Variants in HIVEP3 observed in about 807,000 individuals in gnomAD.
HIVEP3 encodes the protein HIVEP zinc finger 3.
HIVEP3 carries 49 observed loss-of-function variants against 152.8 expected under a neutral mutation model. That is an observed-to-expected ratio of 0.32 (90% CI 0.26 to 0.41). The LOEUF (loss-of-function observed/expected upper bound fraction) is 0.41. Ranked by LOEUF, HIVEP3 falls within the 10% of genes least tolerant of loss-of-function variation. The pLI is 1.00. For missense variants in HIVEP3, 2,790 were observed against 3,103.3 expected (o/e 0.90, Z 2.40); for synonymous variants, 1,269 against 1,289.0 (o/e 0.98, Z 0.33).
At chr1:42,034,484 A>G (rs962420057) in intron 1 of HIVEP3, among the ~76,000 whole-genome samples, 1 of 152,232 alleles carries the variant, frequency 6.6e-6, no homozygotes, top group Non-Finnish European at 1.5e-5. Flanking sequence ...AAGATTCAAC[A>G]CTACAACGGC....
intron 5 of HIVEP3, among the ~76,000 whole-genome samples, chr1:41,539,481 C>G (rs1443691341): frequency 1.3e-5 from 2 of 152,256 alleles, no homozygotes; most frequent in Non-Finnish European, 2.9e-5. Flanking sequence ...AGCACAGAAG[C>G]CCTCAGGTGG....
At chr1:41,980,244 A>T (rs1186312959) in intron 1 of HIVEP3, among the ~76,000 whole-genome samples, 1 of 152,240 alleles carries the variant, frequency 6.6e-6, no homozygotes, top group Non-Finnish European at 1.5e-5. Context: ...GTCCACGTAA[A>T]GACTTGTAAT....
At chr1:41,897,710 G>A (rs809173) in intron 1 of HIVEP3, among the ~76,000 whole-genome samples, 106,571 of 151,970 alleles carry the variant, frequency 0.7, 38,287 homozygotes, top group African/African-American at 0.87. Context: ...TCGTGCTACA[G>A]TTGGACAGAG....
At chr1:41,722,554 C>CTCCTTCCCT (rs1646693994) in intron 1 of HIVEP3, among the ~76,000 whole-genome samples, 1 of 147,734 alleles carries the variant, frequency 6.8e-6, no homozygotes, top group African/African-American at 2.5e-5. Context: ...CCCTCCTTCC[C>CTCCTTCCCT]TCCTTCCCTT....
At chr1:41,699,834 C>T (rs560402909) in intron 2 of HIVEP3, among the ~76,000 whole-genome samples, 1 of 151,940 alleles carries the variant, frequency 6.6e-6, no homozygotes, top group South Asian at 2.1e-4. Context: ...CCGGTAGGGG[C>T]CTCTCTCAGA....
chr1:42,013,501 G>A (rs936791902), intron 1 of HIVEP3, among the ~76,000 whole-genome samples: 1 of 152,258 alleles, frequency 6.6e-6, no homozygotes, highest in Middle Eastern at 3.4e-3. Flanking sequence ...ATCTCAACAG[G>A]AGCCCTACCT....
intron 1 of HIVEP3, among the ~76,000 whole-genome samples, chr1:41,927,757 T>C (rs749173365): frequency 6.6e-6 from 1 of 152,066 alleles, no homozygotes; most frequent in Non-Finnish European, 1.5e-5. Flanking sequence ...GATAAAAGAA[T>C]TATCTTTTAA....
chr1:41,680,475 C>G (rs996699669), intron 2 of HIVEP3, among the ~76,000 whole-genome samples: 1 of 152,188 alleles, frequency 6.6e-6, no homozygotes, highest in Admixed American at 6.5e-5. Flanking sequence ...GGGGATCAGC[C>G]TATAGTTCCA....
intron 1 of HIVEP3, among the ~76,000 whole-genome samples, chr1:41,751,119 C>A (rs1647155552): frequency 6.6e-6 from 1 of 152,094 alleles, no homozygotes; most frequent in Non-Finnish European, 1.5e-5. Flanking sequence ...CCGGCCAAGT[C>A]CCTGGTTTCT....
At chr1:41,607,040 T>C (rs879548143) in intron 3 of HIVEP3, among the ~76,000 whole-genome samples, 2 of 152,070 alleles carry the variant, frequency 1.3e-5, no homozygotes, top group Non-Finnish European at 2.9e-5. Context: ...CTCAGTGTGG[T>C]CTTGAACTCC....
At chr1:41,519,372 C>T (rs1222041143) in intron 6 of HIVEP3, among the ~76,000 whole-genome samples, 1 of 152,224 alleles carries the variant, frequency 6.6e-6, no homozygotes, top group Non-Finnish European at 1.5e-5. Flanking sequence ...AGTTCCCCAA[C>T]AGGTGCACAA....
chr1:41,943,504 G>A (rs1375167703), intron 1 of HIVEP3, among the ~76,000 whole-genome samples: 2 of 152,190 alleles, frequency 1.3e-5, no homozygotes, highest in Non-Finnish European at 2.9e-5. Flanking sequence ...TGAATTCAAT[G>A]ATCTCTTTAG....
At position 41,628,870 on chromosome 1, in the gene HIVEP3, G is replaced by T. The variant is rs1645154495; in HGVS notation, c.-643C>A. The T allele has an allele frequency of 8.1e-7, 1 of 1,231,930 alleles. No individual in the cohort carries two copies. The highest frequency in any genetic ancestry group is 1.6e-5 in the African/African-American group (1 of 64,396). The allele number at this position is 1,231,930 out of a possible 1,614,324, so 76.3% of individuals were successfully genotyped here. ...CTAGGCGCCGCTCTTCCCACCAGAG[G>T]GGCGGGCTTGCTTGGCCAGGACCCC... On this transcript the variant is annotated 5_prime_UTR_variant, in exon 3 of 9. Coordinates refer to ENST00000372583, the MANE Select transcript of HIVEP3 (RefSeq NM_024503.5).
At chr1:41,576,019 C>T (rs1644322645) in intron 4 of HIVEP3, among the ~76,000 whole-genome samples, 3 of 152,230 alleles carry the variant, frequency 2.0e-5, no homozygotes, top group Non-Finnish European at 4.4e-5. Context: ...TCATCTTGGT[C>T]TCCTTGGGCA....
intron 1 of HIVEP3, among the ~76,000 whole-genome samples, chr1:41,865,154 A>T (rs1417803677): frequency 2.0e-5 from 3 of 152,200 alleles, no homozygotes; most frequent in South Asian, 2.1e-4. Flanking sequence ...CTTGGTAGCC[A>T]GCAAAATTAA....
intron 1 of HIVEP3, chr1:41,869,486 T>C (rs1192165103): frequency 6.6e-6 from 1 of 152,252 alleles, no homozygotes; most frequent in Admixed American, 6.5e-5. Flanking sequence ...TGAGATCAGA[T>C]GCCAAGGACA....
intron 1 of HIVEP3, among the ~76,000 whole-genome samples, chr1:41,955,351 C>G (rs771720643): frequency 1.3e-5 from 2 of 152,104 alleles, no homozygotes; most frequent in African/African-American, 4.8e-5. Flanking sequence ...CTCCTATGTT[C>G]TTTCAGAGGC....
intron 1 of HIVEP3, among the ~76,000 whole-genome samples, chr1:41,746,302 C>G (rs1466068393): frequency 6.6e-6 from 1 of 152,218 alleles, no homozygotes; most frequent in African/African-American, 2.4e-5. Context: ...TTTCCATCAA[C>G]CCCGTTTGCT....
At chr1:41,683,774 T>G (rs566941146) in intron 2 of HIVEP3, among the ~76,000 whole-genome samples, 1 of 152,270 alleles carries the variant, frequency 6.6e-6, no homozygotes, top group East Asian at 1.9e-4. Flanking sequence ...TGGCAGAGGA[T>G]AGAGCTAAGT....
Sources: allele counts gnomAD v4.1 joint callset (sites outside exome capture counted in the v4.1 genomes callset), GRCh38; gene constraint gnomAD v4.1.1; transcripts MANE v1.5; gene names NCBI Gene and HGNC (gene_info 2026-07-23, HGNC 2026-07-21).